Variants in CELF6 observed in about 807,000 individuals in gnomAD.
CELF6 encodes the protein CUGBP Elav-like family member 6.
CELF6 carries 32 observed loss-of-function variants against 53.1 expected under a neutral mutation model. The observed-to-expected ratio is 0.60, with a 90% CI of 0.46 to 0.81. The LOEUF (loss-of-function observed/expected upper bound fraction) is 0.81, where lower values mean the gene tolerates loss of function less well. CELF6 is among the 30% of genes least tolerant of loss of function. CELF6 has a pLI of 0.00. For missense variants in CELF6, 539 were observed against 669.5 expected, an observed-to-expected ratio of 0.81 and a Z score of 2.15; for synonymous variants, 291 against 288.8, an observed-to-expected ratio of 1.01 and a Z score of -0.08.
intron 3 of CELF6, among the ~76,000 whole-genome samples, chr15:72,303,887 A>G (rs1413895381): frequency 6.6e-6 from 1 of 152,066 alleles, no homozygotes; most frequent in African/African-American, 2.4e-5. Flanking sequence ...ATACAGAGTC[A>G]TGCTCTGTTG....
chr15:72,307,768 G>A (rs2088249346), intron 2 of CELF6, among the ~76,000 whole-genome samples: 1 of 152,238 alleles, frequency 6.6e-6, no homozygotes, highest in Non-Finnish European at 1.5e-5. Context: ...TCGGGGGAGT[G>A]CAAGGTCAAG....
Position 72,289,936 on chromosome 15 carries a change from C to T in CELF6, c.603+3G>A, listed in dbSNP as rs547665260. 67 of 1,561,172 alleles carry T rather than the reference C, an allele frequency of 4.3e-5. No homozygotes were observed. The highest frequency in any genetic ancestry group is 1.4e-4 in the South Asian group (12 of 85,182). On this transcript the variant is annotated splice_donor_region_variant and intron_variant, in intron 5 of 12. Transcript: ENST00000287202. This position sits in a 1 kb window ranked among gnomAD's most constrained non-coding sequence, Gnocchi z 7.6. ...ACCCTCAGCCCAGGGAACCCGCCCT[C>T]ACCGCCATGGTCCGGCTGCCGTGCA...
Position 72,288,804 on chromosome 15 carries a change from A to G in CELF6, c.1093+64T>C. Reference sequence around the variant, plus strand: ...TTGGAACAGAGCCTAAATCCCCCACAACTCTCCCTATTTCTTTCTAGGGCC... The same window carrying G: ...TTGGAACAGAGCCTAAATCCCCCACGACTCTCCCTATTTCTTTCTAGGGCC... On this transcript the variant is annotated intron_variant, in intron 9 of 12. Coordinates refer to ENST00000287202, the MANE Select transcript of CELF6 (RefSeq NM_052840.5). This position sits in a 1 kb window ranked among gnomAD's most constrained non-coding sequence, Gnocchi z 4.6. The G allele has an allele frequency of 6.8e-7, 1 of 1,465,252 alleles. No individual in the cohort carries two copies. 90.8% of individuals were successfully genotyped at this position (1,465,252 alleles called of 1,614,324 possible).
At chr15:72,293,315 AC>A (rs1432468020) in intron 3 of CELF6, among the ~76,000 whole-genome samples, 2 of 152,096 alleles carry the variant, frequency 1.3e-5, no homozygotes, top group Admixed American at 6.5e-5. Context: ...TACATGCTGG[AC>A]CCCTAACAGT....
intron 3 of CELF6, among the ~76,000 whole-genome samples, chr15:72,290,642 C>A (rs184210021): frequency 4.5e-4 from 68 of 152,230 alleles, no homozygotes; most frequent in African/African-American, 1.6e-3. Flanking sequence ...ATTAAGGAAG[C>A]GGGTGCTCAG....
intron 12 of CELF6, among the ~76,000 whole-genome samples, chr15:72,286,556 C>T (rs2087925209): frequency 6.6e-6 from 1 of 152,216 alleles, no homozygotes; most frequent in Non-Finnish European, 1.5e-5. Context: ...ACCCCAACCC[C>T]ACATCCCCTC....
At chr15:72,316,274 C>A (rs1185606265) in intron 1 of CELF6, among the ~76,000 whole-genome samples, 2 of 152,182 alleles carry the variant, frequency 1.3e-5, no homozygotes, top group Non-Finnish European at 2.9e-5. Context: ...TCATCTTTAA[C>A]CCAGACTTCC....
At chr15:72,301,632 G>A (rs1446509748) in intron 3 of CELF6, among the ~76,000 whole-genome samples, 1 of 151,862 alleles carries the variant, frequency 6.6e-6, no homozygotes, top group East Asian at 1.9e-4. Flanking sequence ...TTTATAGAAT[G>A]TTTGAGGTCA....
In CELF6 at chr15:72,289,070, G is replaced by C. The variant is rs1380256110; in HGVS notation, c.1030+68C>G. The C allele has an allele frequency of 1.5e-6, 2 of 1,350,196 alleles. No individual in the cohort carries two copies. Among genetic ancestry groups the C allele is most frequent in the Non-Finnish European group, 2.0e-6 (2 of 1,001,090 alleles). 83.6% of individuals were successfully genotyped at this position (1,350,196 alleles called of 1,614,324 possible). On this transcript the variant is annotated intron_variant, in intron 8 of 12. Transcript: ENST00000287202. The surrounding 1 kb of genome is among the most constrained non-coding windows in gnomAD (Gnocchi z 7.6). ...GGGGGATCTCTTCCCAGGGAAGCCA[G>C]GCCCTAACCCCCCACCCCCCGCTCC...
chr15:72,315,139 G>A (rs2088346777), intron 2 of CELF6, among the ~76,000 whole-genome samples: 1 of 152,194 alleles, frequency 6.6e-6, no homozygotes, highest in Non-Finnish European at 1.5e-5. Flanking sequence ...CTCTGTTCTA[G>A]ACACACCGCT....
Position 72,287,276 on chromosome 15 carries a change from G to T in CELF6, c.1435C>A (p.Arg479=). 6.2e-7 allele frequency: 1 copy of T among 1,614,016 alleles called. No homozygotes were observed. The highest frequency in any genetic ancestry group is 1.3e-5 in the African/African-American group (1 of 75,052). The change falls in exon 12 of 13, where the codon CGG becomes AGG. Residue 479 remains arginine (R), a synonymous_variant. Transcript: ENST00000287202. ...VQLKRPKDAN[R]PY ...TCAGTGAAAGCAGGTCAGTAAGGCC[G>T]GTTGGCATCCTTGGGCCGCTTTAGC...
At chr15:72,297,331 A>G (rs2088093874) in intron 3 of CELF6, among the ~76,000 whole-genome samples, 1 of 152,012 alleles carries the variant, frequency 6.6e-6, no homozygotes, top group Non-Finnish European at 1.5e-5. Context: ...GCCAACCACC[A>G]TCCTACTCTC....
intron 2 of CELF6, among the ~76,000 whole-genome samples, chr15:72,314,794 C>T (rs2088342012): frequency 6.6e-6 from 1 of 151,954 alleles, no homozygotes; most frequent in South Asian, 2.1e-4. Flanking sequence ...AGGGTTTCAC[C>T]ATGTTGGCCA....
chr15:72,304,406 A>C (rs1417096324), intron 3 of CELF6, among the ~76,000 whole-genome samples: 1 of 152,150 alleles, frequency 6.6e-6, no homozygotes, highest in African/African-American at 2.4e-5. Flanking sequence ...CCCCCACCTG[A>C]TTCTTAAAAA....
chr15:72,313,719 G>A (rs1364922196), intron 2 of CELF6: 1 of 969,156 alleles, frequency 1.0e-6, no homozygotes, highest in Non-Finnish European at 1.2e-6. Context: ...GAATGTTACA[G>A]CTTGTCTCAT....
At position 72,289,563 on chromosome 15, in the gene CELF6, G is replaced by C; in HGVS notation, c.748-56C>G. The C allele has an allele frequency of 6.7e-7, 1 of 1,481,800 alleles. No homozygotes were observed. Among genetic ancestry groups the C allele is most frequent in the Non-Finnish European group, 8.9e-7 (1 of 1,121,458 alleles). The allele number at this position is 1,481,800 out of a possible 1,614,324, so 91.8% of individuals were successfully genotyped here. On this transcript the variant is annotated intron_variant, in intron 6 of 12. Coordinates refer to ENST00000287202, the MANE Select transcript of CELF6 (RefSeq NM_052840.5). This position sits in a 1 kb window ranked among gnomAD's most constrained non-coding sequence, Gnocchi z 7.6. ...GGCCAAGGGGCAGGCAGCTGCCCGT[G>C]CTCTCAGCCCCAGGCCTGGCCCACC...
rs1475420852 is a variant in CELF6 at position 72,289,308 on chromosome 15, A to C, written c.881-21T>G. On this transcript the variant is annotated intron_variant, in intron 7 of 12. Transcript: ENST00000287202. This position sits in a 1 kb window ranked among gnomAD's most constrained non-coding sequence, Gnocchi z 7.6. The stretch of plus-strand genomic sequence containing the variant: ...GGCTGCTGATGGCGGAAAAGGTCTG[A>C]GAGTCAGGCCGCCACCCCGCCCCGC... 6.5e-7 allele frequency: 1 copy of C among 1,550,216 alleles called. No individual in the cohort carries two copies. Among genetic ancestry groups the C allele is most frequent in the East Asian group, 2.4e-5 (1 of 42,248 alleles).
intron 11 of CELF6, among the ~76,000 whole-genome samples, chr15:72,287,806 T>A (rs2087941946): frequency 6.6e-6 from 1 of 151,710 alleles, no homozygotes; most frequent in South Asian, 2.1e-4. Context: ...GGACACATGA[T>A]CATCCCAGGT....
At chr15:72,301,499 TA>T (rs1246981949) in intron 3 of CELF6, among the ~76,000 whole-genome samples, 2 of 152,116 alleles carry the variant, frequency 1.3e-5, no homozygotes, top group African/African-American at 2.4e-5. Context: ...TCTTATCGGA[TA>T]AAGAAACCAT....
Sources: allele counts gnomAD v4.1 joint callset (sites outside exome capture counted in the v4.1 genomes callset), GRCh38; gene constraint gnomAD v4.1.1; non-coding constraint Gnocchi (gnomAD v3.1); transcripts MANE v1.5; gene names NCBI Gene and HGNC (gene_info 2026-07-23, HGNC 2026-07-21).